SEMA6D: variants seen among roughly 807,000 people sequenced by gnomAD.
The protein encoded by SEMA6D is semaphorin 6D, also known as semaphorin-6D.
In SEMA6D, 35 loss-of-function variants were observed where a neutral mutation model predicts 106.6. The ratio of observed to expected loss-of-function variants is 0.33; its 90% confidence interval spans 0.25 to 0.44. SEMA6D has a LOEUF of 0.44. SEMA6D is among the 20% of genes least tolerant of loss of function. The pLI, the probability that SEMA6D is intolerant of heterozygous loss-of-function variation, is 1.00. For synonymous variants in SEMA6D, 499 were observed against 487.7 expected, an observed-to-expected ratio of 1.02 and a Z score of -0.31; for missense variants, 1,185 against 1,345.9, an observed-to-expected ratio of 0.88 and a Z score of 1.87.
At chr15:47,662,605 G>C (rs1348330431) in intron 4 of SEMA6D, among the ~76,000 whole-genome samples, 1 of 151,996 alleles carries the variant, frequency 6.6e-6, no homozygotes, top group Non-Finnish European at 1.5e-5. Flanking sequence ...TGCCCCATTA[G>C]GCATTCTCCA....
At chr15:47,238,495 A>G (rs897770614) in intron 1 of SEMA6D, among the ~76,000 whole-genome samples, 3 of 152,172 alleles carry the variant, frequency 2.0e-5, no homozygotes, top group Non-Finnish European at 4.4e-5. Context: ...CCTTGGTACT[A>G]TAATACGAAT....
At chr15:47,259,986 C>A (rs2033992861) in intron 1 of SEMA6D, among the ~76,000 whole-genome samples, 1 of 150,262 alleles carries the variant, frequency 6.7e-6, no homozygotes, top group Non-Finnish European at 1.5e-5. Context: ...TGTATTGAGC[C>A]CATTTAGCAT....
chr15:47,682,206 C>T (rs1174846188), intron 4 of SEMA6D, among the ~76,000 whole-genome samples: 1 of 149,442 alleles, frequency 6.7e-6, no homozygotes, highest in Non-Finnish European at 1.5e-5. Context: ...GTCACTCTTT[C>T]ACCCATGCTG....
Position 47,564,233 on chromosome 15 carries a change from G to A in SEMA6D, c.-86-36632G>A, listed in dbSNP as rs549363196. ...TCAGCCTGCCTATACAAGCTTACCC[G>A]CCATCTTCTTGAGAGAAGAAATCCC... On this transcript the variant is annotated intron_variant, in intron 3 of 19. Transcript: ENST00000558014. 7.2e-5 allele frequency among the ~76,000 whole-genome samples: 11 copies of A among 152,184 alleles called. No individual in the cohort carries two copies. In the South Asian group the frequency reaches 1.9e-3, roughly 26 times the overall value.
At chr15:47,290,604 A>G (rs1357587034) in intron 1 of SEMA6D, among the ~76,000 whole-genome samples, 1 of 140,272 alleles carries the variant, frequency 7.1e-6, no homozygotes, top group African/African-American at 2.7e-5. Flanking sequence ...CAAATATATA[A>G]CATCAATTTA....
At chr15:47,734,010 C>T (rs1271660095) in intron 1 of SEMA6D, among the ~76,000 whole-genome samples, 1 of 152,188 alleles carries the variant, frequency 6.6e-6, no homozygotes, top group Non-Finnish European at 1.5e-5. Context: ...ACCACATGTA[C>T]ACACGGCCAC....
At chr15:47,218,540 A>G (rs2030882110) in intron 1 of SEMA6D, among the ~76,000 whole-genome samples, 1 of 152,206 alleles carries the variant, frequency 6.6e-6, no homozygotes, top group Non-Finnish European at 1.5e-5. Flanking sequence ...GCATCAAACA[A>G]AGATGCATTA....
intron 3 of SEMA6D, among the ~76,000 whole-genome samples, chr15:47,600,072 T>C (rs1005787362): frequency 1.3e-5 from 2 of 152,226 alleles, no homozygotes; most frequent in East Asian, 1.9e-4. Context: ...AGTGGTGTTA[T>C]TTTTAGTTAA....
At chr15:47,514,362 C>T (rs769126615) in intron 3 of SEMA6D, among the ~76,000 whole-genome samples, 1 of 152,138 alleles carries the variant, frequency 6.6e-6, no homozygotes, top group Non-Finnish European at 1.5e-5. Context: ...CAACCACTCC[C>T]ACATTCATAT....
intron 15 of SEMA6D, 31 bp from the exon 16 acceptor site, chr15:47,766,585 C>T (rs1286238307): frequency 8.1e-6 from 13 of 1,609,474 alleles, no homozygotes; most frequent in South Asian, 1.1e-5. Context: ...AGGCTGTTAA[C>T]CGAAGACTTC....
At chr15:47,515,660 A>G (rs939001174) in intron 3 of SEMA6D, among the ~76,000 whole-genome samples, 2 of 152,212 alleles carry the variant, frequency 1.3e-5, no homozygotes, top group Non-Finnish European at 1.5e-5. Flanking sequence ...AGCCTTCAGC[A>G]AAGGCAGAGT....
intron 1 of SEMA6D, among the ~76,000 whole-genome samples, chr15:47,278,756 T>G (rs919291625): frequency 1.3e-5 from 2 of 150,520 alleles, no homozygotes; most frequent in South Asian, 4.3e-4. Flanking sequence ...GGTCTAACGT[T>G]TAAGTCTTTA....
intron 1 of SEMA6D, among the ~76,000 whole-genome samples, chr15:47,347,641 G>C (rs535738654): frequency 6.6e-6 from 1 of 152,244 alleles, no homozygotes; most frequent in East Asian, 1.9e-4. Flanking sequence ...CTCTTGAAAG[G>C]ATGAATGCAT....
chr15:47,343,801 T>C (rs1318912270), intron 1 of SEMA6D, among the ~76,000 whole-genome samples: 6 of 152,138 alleles, frequency 3.9e-5, no homozygotes, highest in African/African-American at 1.4e-4. Context: ...CAAATGGTAT[T>C]TCTAGTTATA....
At chr15:47,519,458 A>G (rs1338205587) in intron 3 of SEMA6D, among the ~76,000 whole-genome samples, 1 of 152,236 alleles carries the variant, frequency 6.6e-6, no homozygotes, top group African/African-American at 2.4e-5. Context: ...ACAGATGACA[A>G]TCAGAAGCTT....
intron 17 of SEMA6D, among the ~76,000 whole-genome samples, chr15:47,767,862 G>C (rs773460059): frequency 3.3e-5 from 5 of 152,152 alleles, no homozygotes; most frequent in Non-Finnish European, 7.4e-5. Flanking sequence ...TTTCCTCAGG[G>C]GGAGAAAAAG....
chr15:47,467,943 T>A (rs1206487696), intron 2 of SEMA6D, among the ~76,000 whole-genome samples: 3 of 152,110 alleles, frequency 2.0e-5, no homozygotes, highest in Non-Finnish European at 4.4e-5. Flanking sequence ...AGCATAAAAA[T>A]TATATTATAA....
chr15:47,694,129 G>A (rs149594606), intron 4 of SEMA6D, among the ~76,000 whole-genome samples: 18 of 149,508 alleles, frequency 1.2e-4, no homozygotes, highest in African/African-American at 3.2e-4. Context: ...CAAAATCTTC[G>A]GCCCCACAAA....
intron 4 of SEMA6D, among the ~76,000 whole-genome samples, chr15:47,640,102 G>A (rs1468405254): frequency 6.6e-6 from 1 of 152,172 alleles, no homozygotes; most frequent in African/African-American, 2.4e-5. Context: ...GGAAGTCTCT[G>A]TAATGATCTT....
Sources: gnomAD v4.1 joint callset for allele counts (sites outside exome capture counted in the v4.1 genomes callset) on GRCh38, gnomAD v4.1.1 for gene constraint, MANE v1.5 for transcripts, NCBI Gene and HGNC (gene_info 2026-07-23, HGNC 2026-07-21) for gene names.